The following CDH18 variants were observed in gnomAD, a reference collection of about 807,000 sequenced individuals.
CDH18 encodes the protein cadherin-18.
CDH18 carries 31 observed loss-of-function variants against 67.9 expected under a neutral mutation model. That is an observed-to-expected ratio of 0.46 (90% confidence interval 0.34 to 0.62). The LOEUF (loss-of-function observed/expected upper bound fraction) is 0.62, where lower values mean the gene tolerates loss of function less well. CDH18 is among the 20% of genes least tolerant of loss of function. The probability of loss-of-function intolerance (pLI) is 0.01; values close to 1 mark genes in which losing one functional copy is unlikely to be tolerated. For synonymous variants in CDH18, 362 were observed against 347.2 expected (o/e 1.04, Z -0.48); for missense variants, 890 against 975.5 (o/e 0.91, Z 1.17).
intron 12 of CDH18, among the ~76,000 whole-genome samples, chr5:19,479,198 T>C (rs1738988845): frequency 6.6e-6 from 1 of 152,176 alleles, no homozygotes; most frequent in African/African-American, 2.4e-5. Flanking sequence ...CACACAGTTA[T>C]TGGCAAAACT....
At position 20,117,934 on chromosome 5, in the gene CDH18, G is replaced by T. The variant is rs1748055672; in HGVS notation, c.-517-125920C>A. On this transcript the variant is annotated intron_variant, in intron 2 of 14. Transcript: ENST00000507958. Reference sequence around the variant, plus strand: ...TTTTAATTTGTTATTGTAAGTGAAGGAAAATAAAAACATACCTCCTCTGAT... The same window carrying T: ...TTTTAATTTGTTATTGTAAGTGAAGTAAAATAAAAACATACCTCCTCTGAT... 2.0e-5 allele frequency among the ~76,000 whole-genome samples: 3 copies of T among 152,082 alleles called. No homozygotes were observed. In the South Asian group the frequency reaches 6.2e-4, roughly 31 times the overall value.
At chr5:20,515,682 T>C (rs868843921) in intron 1 of CDH18, among the ~76,000 whole-genome samples, 2 of 152,074 alleles carry the variant, frequency 1.3e-5, no homozygotes, top group African/African-American at 4.8e-5. Context: ...TGTCTGCCTT[T>C]GAACTTCTAT....
rs1796642997 is a variant in CDH18 at position 19,960,098 on chromosome 5, A to T, written c.-257+20962T>A. On this transcript the variant is annotated intron_variant, in intron 2 of 12. Coordinates refer to ENST00000382275, the MANE Select transcript of CDH18 (RefSeq NM_004934.5). The stretch of plus-strand genomic sequence containing the variant: ...ATTACTCTACACTACTGTAGTCTTT[A>T]TAAACACTGTATACTTAGGTAACAC... Among the ~76,000 whole-genome samples, 3 of 152,082 alleles carry T rather than the reference A, an allele frequency of 2.0e-5. 1 individual carries two copies. The highest frequency in any genetic ancestry group is 2.1e-4 in the South Asian group (1 of 4,832).
intron 1 of CDH18, among the ~76,000 whole-genome samples, chr5:20,338,779 C>T (rs909406233): frequency 1.1e-4 from 17 of 152,152 alleles, no homozygotes; most frequent in African/African-American, 4.1e-4. Flanking sequence ...GCCTAGAGCA[C>T]CCCTTCCATT....
At chr5:20,565,403 C>T (rs1758444320) in intron 1 of CDH18, among the ~76,000 whole-genome samples, 1 of 152,090 alleles carries the variant, frequency 6.6e-6, no homozygotes, top group Non-Finnish European at 1.5e-5. Context: ...CTGCTGCTTA[C>T]TTGGTAAGTG....
chr5:20,333,385 T>G (rs1739366633), intron 1 of CDH18, among the ~76,000 whole-genome samples: 1 of 151,494 alleles, frequency 6.6e-6, no homozygotes, highest in South Asian at 2.1e-4. Flanking sequence ...CGCGTGCCTG[T>G]AATTCCAGCT....
chr5:20,354,596 T>C (rs1741456047), intron 1 of CDH18, among the ~76,000 whole-genome samples: 1 of 152,104 alleles, frequency 6.6e-6, no homozygotes, highest in Admixed American at 6.5e-5. Flanking sequence ...TCTTGCTATG[T>C]TGCCCAGGCT....
At chr5:20,397,873 C>T (rs940063774) in intron 1 of CDH18, among the ~76,000 whole-genome samples, 2 of 152,128 alleles carry the variant, frequency 1.3e-5, no homozygotes, top group Non-Finnish European at 2.9e-5. Flanking sequence ...AATTTGAACA[C>T]ATTTTCAACA....
At chr5:20,537,744 C>CA (rs958625637) in intron 1 of CDH18, among the ~76,000 whole-genome samples, 21 of 112,452 alleles carry the variant, frequency 1.9e-4, no homozygotes, top group South Asian at 7.1e-4. Flanking sequence ...TTAGTGTATA[C>CA]AAAAAAAACT....
intron 5 of CDH18, among the ~76,000 whole-genome samples, chr5:19,628,532 G>A (rs751736888): frequency 6.6e-6 from 1 of 152,014 alleles, no homozygotes; most frequent in South Asian, 2.1e-4. Context: ...TTGACGGTAG[G>A]GTTTCCTGAT....
chr5:20,102,723 C>T (rs891507857), intron 2 of CDH18, among the ~76,000 whole-genome samples: 1 of 151,548 alleles, frequency 6.6e-6, no homozygotes, highest in African/African-American at 2.4e-5. Context: ...AAAGCCAAAA[C>T]AAAAGAAATA....
intron 7 of CDH18, among the ~76,000 whole-genome samples, chr5:19,580,150 T>A (rs1255901178): frequency 6.6e-6 from 1 of 151,770 alleles, no homozygotes. Context: ...ATGTTCAAAG[T>A]TTTTTGGTTA....
intron 2 of CDH18, among the ~76,000 whole-genome samples, chr5:20,121,359 T>C (rs1036939274): frequency 1.3e-5 from 2 of 152,194 alleles, no homozygotes; most frequent in African/African-American, 2.4e-5. Context: ...GGGCTAATCA[T>C]ATTTGTTTTC....
At chr5:20,543,748 T>C (rs902879306) in intron 1 of CDH18, among the ~76,000 whole-genome samples, 1 of 152,204 alleles carries the variant, frequency 6.6e-6, no homozygotes, top group African/African-American at 2.4e-5. Flanking sequence ...CTTTGATCTT[T>C]CTACTCTTAA....
intron 3 of CDH18, among the ~76,000 whole-genome samples, chr5:19,832,077 T>C (rs968219049): frequency 1.3e-5 from 2 of 151,970 alleles, no homozygotes; most frequent in African/African-American, 4.8e-5. Context: ...TATAAAGATA[T>C]GAACATTAGA....
At chr5:20,074,156 TATAATAATG>T (rs1390342410) in intron 2 of CDH18, among the ~76,000 whole-genome samples, 1 of 152,122 alleles carries the variant, frequency 6.6e-6, no homozygotes, top group Non-Finnish European at 1.5e-5. Context: ...GTGGATAAAG[TATAATAATG>T]ATAATAATAG....
intron 2 of CDH18, among the ~76,000 whole-genome samples, chr5:20,050,635 T>G (rs1183207294): frequency 1.3e-5 from 2 of 151,908 alleles, no homozygotes; most frequent in African/African-American, 2.4e-5. Flanking sequence ...TAACAGACAT[T>G]GCAAACTGTA....
Position 20,541,968 on chromosome 5 carries a change from C to T in CDH18, c.-580+33494G>A, listed in dbSNP as rs925404165. On this transcript the variant is annotated intron_variant, in intron 1 of 14. Coordinates refer to the CDH18 transcript ENST00000507958. ...TGTTGTTGTTTTTTGTTTTTTGAGA[C>T]GGAGTCTCGCTCTGTCACCCAGGCC... Among the ~76,000 whole-genome samples, 4 of 152,086 alleles carry T rather than the reference C, an allele frequency of 2.6e-5. No individual in the cohort carries two copies. The East Asian group carries it at 7.7e-4, about 29-fold the overall frequency.
chr5:20,037,456 A>G (rs572901256), intron 2 of CDH18, among the ~76,000 whole-genome samples: 1 of 152,270 alleles, frequency 6.6e-6, no homozygotes, highest in East Asian at 1.9e-4. Flanking sequence ...CACAATTGGA[A>G]GTAAAACACT....
Sources: allele counts gnomAD v4.1 joint callset (sites outside exome capture counted in the v4.1 genomes callset), GRCh38; gene constraint gnomAD v4.1.1; transcripts MANE v1.5; gene names NCBI Gene and HGNC (gene_info 2026-07-23, HGNC 2026-07-21).